Variants in ADGRV1 observed in about 807,000 individuals in gnomAD.
ADGRV1 encodes the protein G-protein coupled receptor 98.
Under a neutral mutation model 596.2 loss-of-function variants are expected in ADGRV1, and 359 were observed. That is an observed-to-expected ratio of 0.60 (90% CI 0.55 to 0.66). The LOEUF (loss-of-function observed/expected upper bound fraction) is 0.66, where lower values mean the gene tolerates loss of function less well. Ranked by LOEUF, ADGRV1 falls within the 30% of genes least tolerant of loss-of-function variation. The probability of loss-of-function intolerance (pLI) is 0.00; values close to 1 mark genes in which losing one functional copy is unlikely to be tolerated. For synonymous variants in ADGRV1, 2,681 were observed against 2,679.2 expected, an observed-to-expected ratio of 1.00 and a Z score of -0.02; for missense variants, 7,274 against 7,575.6, an observed-to-expected ratio of 0.96 and a Z score of 1.48.
At chr5:91,116,952 G>T (rs1792899516) in intron 87 of ADGRV1, among the ~76,000 whole-genome samples, 1 of 152,146 alleles carries the variant, frequency 6.6e-6, no homozygotes, top group Admixed American at 6.6e-5. Context: ...TTTGCATGTT[G>T]ATTGCTAGAA....
At chr5:90,697,789 C>A (rs537110792) in intron 34 of ADGRV1, among the ~76,000 whole-genome samples, 33 of 151,790 alleles carry the variant, frequency 2.2e-4, no homozygotes, top group African/African-American at 8.0e-4. Flanking sequence ...TTTTTGTCTT[C>A]GAGTAAGCCT....
In ADGRV1 at chr5:90,672,614, T is replaced by C. The variant is rs2149539165; in HGVS notation, c.4821T>C (p.His1607=). 6.2e-7 allele frequency: 1 copy of C among 1,613,846 alleles called. No individual in the cohort carries two copies. Among genetic ancestry groups the C allele is most frequent in the South Asian group, 1.1e-5 (1 of 91,072 alleles). The change falls in exon 22 of 90, where the codon CAT becomes CAC. Residue 1607 remains histidine, a synonymous_variant. Transcript: ENST00000405460. ...ERTRGALDYV[H]VFYTISQIET... is the part of the protein sequence containing the mutation. The stretch of plus-strand genomic sequence containing the variant: ...CCAGAGGAGCTCTGGATTATGTGCA[T>C]GTTTTTTACACCATTTCACAGATTG...
rs766788855 is a variant in ADGRV1, at chr5:90,635,153, C to T, written c.1879C>T (p.Pro627Ser). 1 of 1,607,202 alleles carries T rather than the reference C, an allele frequency of 6.2e-7. No individual in the cohort carries two copies. Among genetic ancestry groups the T allele is most frequent in the Non-Finnish European group, 8.5e-7 (1 of 1,174,344 alleles). The stretch of plus-strand genomic sequence containing the variant: ...GTTGTTAAACATAATTCCTCTAATC[C>T]CACCCATAAGCCCTAGATTTGGGGA... ...VELLNIIPLI[P>S]PISPRFGEIC... The change falls in exon 10 of 90, where the codon CCA (proline) becomes TCA (serine). Residue 627 changes from proline (P) to serine (S), a missense_variant. By Grantham distance (74) the Pro-to-Ser change is moderately conservative. Coordinates refer to ENST00000405460, the MANE Select transcript of ADGRV1 (RefSeq NM_032119.4).
At chr5:90,824,628 C>T (rs1488836005) in intron 76 of ADGRV1, among the ~76,000 whole-genome samples, 4 of 152,206 alleles carry the variant, frequency 2.6e-5, no homozygotes, top group African/African-American at 9.6e-5. Flanking sequence ...AATTTCAATA[C>T]TCAAGACATT....
Position 90,820,801 on chromosome 5 carries a change from G to C in ADGRV1, c.16197-2624G>C, listed in dbSNP as rs529344944. Among the ~76,000 whole-genome samples, 389 of 152,130 alleles carry C rather than the reference G, an allele frequency of 2.6e-3. 3 individuals carry two copies. Among genetic ancestry groups the C allele is most frequent in the South Asian group, 0.018 (88 of 4,802 alleles). ...GAGAGATCCGCTGTTAGTCTGATGG[G>C]CTTCCCTATGAGGGTAACCCGACCT... On this transcript the variant is annotated intron_variant, in intron 75 of 89. Coordinates refer to ENST00000405460, the MANE Select transcript of ADGRV1 (RefSeq NM_032119.4).
At position 91,072,471 on chromosome 5, in the gene ADGRV1, T is replaced by G; in HGVS notation, c.18177T>G (p.Ala6059=). 1 of 1,613,864 alleles carries G rather than the reference T, an allele frequency of 6.2e-7. No individual in the cohort carries two copies. Among genetic ancestry groups the G allele is most frequent in the East Asian group, 2.2e-5 (1 of 44,884 alleles). The part of the protein sequence containing the change: ...GDLCFIPNVY[A]ALFTAALVPL... Reference sequence around the variant, plus strand: ...GGTGTTTTATTCCAAACGTCTATGCTGCTTTGTTCACTGCAGCTCTTGTTC... The same window carrying G: ...GGTGTTTTATTCCAAACGTCTATGCGGCTTTGTTCACTGCAGCTCTTGTTC... Residue 6059 remains alanine, a synonymous_variant, in exon 86 of 90, where the codon GCT becomes GCG. Transcript: ENST00000405460.
chr5:90,725,443 T>A (rs1337962380), intron 47 of ADGRV1, 106 bp from the exon 48 acceptor site: 6 of 752,470 alleles, frequency 8.0e-6, no homozygotes, highest in Non-Finnish European at 1.3e-5. Flanking sequence ...GGTATTAAAA[T>A]TTTTTAAGTC....
At chr5:90,608,470 A>C (rs549009633) in intron 1 of ADGRV1, among the ~76,000 whole-genome samples, 18 of 152,246 alleles carry the variant, frequency 1.2e-4, no homozygotes, top group Admixed American at 1.1e-3. Context: ...GAATCAAAAC[A>C]ATTTTAGATT....
At chr5:90,676,464 T>A (rs971567965) in intron 25 of ADGRV1, among the ~76,000 whole-genome samples, 5 of 152,212 alleles carry the variant, frequency 3.3e-5, no homozygotes, top group African/African-American at 1.2e-4. Context: ...AAAAAGAAAA[T>A]TTTCCTCTTT....
At chr5:90,891,189 T>TTA (rs1367725074) in intron 83 of ADGRV1, among the ~76,000 whole-genome samples, 1 of 147,962 alleles carries the variant, frequency 6.8e-6, no homozygotes, top group Non-Finnish European at 1.5e-5. Flanking sequence ...TATATATTAT[T>TTA]TATATATATT....
chr5:90,670,695 G>A (rs1054001707), intron 21 of ADGRV1, among the ~76,000 whole-genome samples: 10 of 152,166 alleles, frequency 6.6e-5, no homozygotes, highest in Middle Eastern at 3.4e-3. Flanking sequence ...CAAGACTGAT[G>A]TAGCAACTGG....
chr5:90,620,262 G>C (rs1358323931), intron 4 of ADGRV1, among the ~76,000 whole-genome samples: 4 of 152,066 alleles, frequency 2.6e-5, no homozygotes, highest in Non-Finnish European at 5.9e-5. Flanking sequence ...TCCAGCACCT[G>C]TTGTTTCTTG....
intron 86 of ADGRV1, among the ~76,000 whole-genome samples, chr5:91,089,744 A>T (rs1307141792): frequency 7.9e-5 from 12 of 152,190 alleles, no homozygotes; most frequent in Admixed American, 7.9e-4. Flanking sequence ...GTAAAAGATA[A>T]CTGGCTATTC....
At chr5:90,626,520 G>C (rs1764781301) in intron 6 of ADGRV1, 1 of 151,730 alleles carries the variant, frequency 6.6e-6, no homozygotes, top group Non-Finnish European at 1.5e-5. Context: ...CTAAAATAGA[G>C]TTTATGGTGA....
intron 83 of ADGRV1, among the ~76,000 whole-genome samples, chr5:90,868,727 C>T (rs147359208): frequency 1.6e-5 from 2 of 121,754 alleles, no homozygotes; most frequent in African/African-American, 3.1e-5. Flanking sequence ...TGTATCTTTT[C>T]TTCATGTAGA....
intron 83 of ADGRV1, among the ~76,000 whole-genome samples, chr5:90,887,356 T>TTTCACTCTATTTAATCCTCCCATC (rs1421529510): frequency 2.0e-5 from 3 of 152,148 alleles, no homozygotes; most frequent in Non-Finnish European, 4.4e-5. Flanking sequence ...CATCACTCTA[T>TTTCACTCTATTTAATCCTCCCATC]TTCACTCTAT....
chr5:90,688,882 C>A (rs1746067036), intron 29 of ADGRV1, among the ~76,000 whole-genome samples: 1 of 152,110 alleles, frequency 6.6e-6, no homozygotes, highest in South Asian at 2.1e-4. Flanking sequence ...CTCTGGATCC[C>A]TTTATCTTCT....
At chr5:91,106,941 C>G (rs769192824) in intron 87 of ADGRV1, among the ~76,000 whole-genome samples, 5 of 152,168 alleles carry the variant, frequency 3.3e-5, no homozygotes, top group African/African-American at 4.8e-5. Context: ...CTCAAGAGGA[C>G]GCAATGCCTA....
At chr5:90,660,918 G>T (rs554013406) in intron 21 of ADGRV1, among the ~76,000 whole-genome samples, 120 of 152,266 alleles carry the variant, frequency 7.9e-4, no homozygotes, top group African/African-American at 2.8e-3. Flanking sequence ...TCTGTGATTT[G>T]TTTTCTACCA....
Sources: gnomAD v4.1 joint callset for allele counts (sites outside exome capture counted in the v4.1 genomes callset) on GRCh38, gnomAD v4.1.1 for gene constraint, MANE v1.5 for transcripts, NCBI Gene and HGNC (gene_info 2026-07-23, HGNC 2026-07-21) for gene names.